GAK: variants seen among roughly 807,000 people sequenced by gnomAD.
GAK encodes cyclin-G-associated kinase.
In GAK, 79 loss-of-function variants were observed where a neutral mutation model predicts 143.9. That is an observed-to-expected ratio of 0.55 (90% CI 0.46 to 0.66). The LOEUF (loss-of-function observed/expected upper bound fraction) is 0.66. GAK is among the 30% of genes least tolerant of loss of function. GAK has a pLI of 0.00. For synonymous variants in GAK, 881 were observed against 765.5 expected (o/e 1.15, Z -2.49); for missense variants, 1,693 against 1,779.7 (o/e 0.95, Z 0.88).
At chr4:888,298 C>T (rs367688612) in intron 11 of GAK, 13 of 153,040 alleles carry the variant, frequency 8.5e-5, no homozygotes, top group East Asian at 3.9e-4. Flanking sequence ...GCATGGACCC[C>T]GCAACGCAGA....
chr4:852,420 A>C (rs1049460678), intron 24 of GAK: 3 of 205,120 alleles, frequency 1.5e-5, no homozygotes, highest in Non-Finnish European at 3.0e-5. Context: ...CTCTCGCAGC[A>C]CATCAAATCA....
chr4:884,373 C>T lies in GAK; in HGVS notation c.1206-287G>A, dbSNP rs139454886. On this transcript the variant is annotated intron_variant, in intron 11 of 27. Transcript: ENST00000314167. Reference sequence around the variant, plus strand: ...CGCTGTCTGACTGCCCCTTCCCCTGCGCTCTCCAGGGAGGCACGGCCCAGG... The same window carrying T: ...CGCTGTCTGACTGCCCCTTCCCCTGTGCTCTCCAGGGAGGCACGGCCCAGG... 2.0e-3 allele frequency: 870 copies of T among 430,840 alleles called. 9 individuals are homozygous for T. The highest frequency in any genetic ancestry group is 0.016 in the East Asian group (324 of 20,432). 26.7% of individuals were successfully genotyped at this position (430,840 alleles called of 1,614,324 possible). A position where few individuals can be genotyped will look rare whatever the true frequency, so the allele number is the denominator to read the frequency against.
chr4:911,419 C>T (rs771396811), intron 4 of GAK, among the ~76,000 whole-genome samples: 1 of 152,220 alleles, frequency 6.6e-6, no homozygotes, highest in South Asian at 2.1e-4. Flanking sequence ...GATGGGAGCC[C>T]GGCTCTCTGG....
At chr4:855,749 G>A (rs942745214) in intron 24 of GAK, among the ~76,000 whole-genome samples, 7 of 152,184 alleles carry the variant, frequency 4.6e-5, no homozygotes, top group African/African-American at 1.4e-4. Context: ...GAGATCAGGA[G>A]TTTGAGACCA....
At chr4:894,292 G>A in intron 7 of GAK, 1 of 363,822 alleles carries the variant, frequency 2.7e-6, no homozygotes, top group South Asian at 3.4e-5. Flanking sequence ...GGAGCGCAGG[G>A]GTGACGCCTG....
intron 18 of GAK, 106 bp from the exon 19 acceptor site, chr4:871,010 A>G: frequency 9.8e-7 from 1 of 1,024,216 alleles, no homozygotes; most frequent in Non-Finnish European, 1.4e-6. Flanking sequence ...AGCTGCAGGC[A>G]GCGGGGCGAG....
chr4:868,427 C>G, intron 20 of GAK, 112 bp downstream of exon 20: 3 of 1,086,216 alleles, frequency 2.8e-6, no homozygotes, highest in Non-Finnish European at 3.9e-6. Flanking sequence ...CACTGAGGTG[C>G]AACTCAGCTC....
chr4:893,339 A>C (rs1272733397), intron 9 of GAK, 38 bp downstream of exon 9: 2 of 1,375,808 alleles, frequency 1.5e-6, no homozygotes, highest in South Asian at 1.4e-5. Context: ...CTCCTTCACC[A>C]CTGCGGGGGA....
At chr4:876,743 A>C in intron 17 of GAK, 134 bp from the exon 18 acceptor site, 1 of 745,188 alleles carries the variant, frequency 1.3e-6, no homozygotes. Context: ...CCCCCGTGCC[A>C]CATGTTGTGG....
rs1302937884 is a variant in GAK, at chr4:865,243, C to T, written c.3045G>A (p.Gly1015=). Residue 1015 remains glycine, a splice_region_variant and synonymous_variant, in exon 23 of 28, where the codon GGG becomes GGA. Transcript: ENST00000314167. ...PSCSADFLHL[G]DLPGEPSKMT... ...TCTTGCTGGGCTCTCCTGGCAGATC[C>T]CCTGGGAAGAAGGAACCAGAAGAGA... 2.5e-6 allele frequency: 4 copies of T among 1,613,274 alleles called. No individual in the cohort carries two copies. In the South Asian group the frequency reaches 4.4e-5, roughly 18 times the overall value.
chr4:875,315 A>C (rs1713615502), intron 18 of GAK, among the ~76,000 whole-genome samples: 1 of 152,276 alleles, frequency 6.6e-6, no homozygotes, highest in African/African-American at 2.4e-5. Flanking sequence ...TTAAAAAAAG[A>C]AAAGCGTAAG....
rs768543011 is a variant in GAK at position 851,104 on chromosome 4, T to A, written c.3509-20A>T. Reference sequence around the variant, plus strand: ...TTTGAGCTAGAAAAGAACAGAAACTTTTTTTTGTTTGAGACAGGGTCTCCA... The same window carrying A: ...TTTGAGCTAGAAAAGAACAGAAACTATTTTTTGTTTGAGACAGGGTCTCCA... On this transcript the variant is annotated intron_variant, in intron 25 of 27. Coordinates refer to ENST00000314167, the MANE Select transcript of GAK (RefSeq NM_005255.4). 3 of 1,609,518 alleles carry A rather than the reference T, an allele frequency of 1.9e-6. No individual in the cohort carries two copies. The highest frequency in any genetic ancestry group is 2.5e-6 in the Non-Finnish European group (3 of 1,177,622).
At chr4:861,712 T>C (rs553308448) in intron 23 of GAK, among the ~76,000 whole-genome samples, 2 of 152,214 alleles carry the variant, frequency 1.3e-5, no homozygotes, top group Non-Finnish European at 2.9e-5. Flanking sequence ...ACACGAATGA[T>C]ACGAACACAA....
intron 24 of GAK, 133 bp downstream of exon 24, chr4:859,473 C>G (rs759429541): frequency 6.2e-7 from 1 of 1,602,090 alleles, no homozygotes; most frequent in Admixed American, 1.7e-5. Context: ...CTTGGGCTCA[C>G]TGTGCTCTGG....
At position 881,319 on chromosome 4, in the gene GAK, T is replaced by C. The variant is rs540125675; in HGVS notation, c.1661+588A>G. 9.8e-5 allele frequency among the ~76,000 whole-genome samples: 15 copies of C among 152,286 alleles called. No homozygotes were observed. In the East Asian group the frequency reaches 2.9e-3, roughly 29 times the overall value. ...AGGCTGCTCCAGCCTCACCAGGTCCTCATGGAGACCAAGGCCAGGGGAGGC... is the reference window on the plus strand; with the variant it reads ...AGGCTGCTCCAGCCTCACCAGGTCCCCATGGAGACCAAGGCCAGGGGAGGC... On this transcript the variant is annotated intron_variant, in intron 15 of 27. Coordinates refer to ENST00000314167, the MANE Select transcript of GAK (RefSeq NM_005255.4).
chr4:852,211 G>A, intron 24 of GAK: 1 of 592,796 alleles, frequency 1.7e-6, no homozygotes, highest in South Asian at 2.0e-5. Flanking sequence ...CAGACACCAG[G>A]ACAGGGCAGC....
intron 5 of GAK, among the ~76,000 whole-genome samples, chr4:900,471 A>G (rs959905386): frequency 2.6e-5 from 4 of 152,084 alleles, no homozygotes; most frequent in Non-Finnish European, 5.9e-5. Flanking sequence ...TCACCAATTC[A>G]ACCCTTCTGT....
chr4:893,825 G>T (rs1385158173), intron 8 of GAK, 49 bp downstream of exon 8: 2 of 1,519,674 alleles, frequency 1.3e-6, no homozygotes, highest in African/African-American at 1.4e-5. Flanking sequence ...GCCACGCGGG[G>T]TCTGTGCTCC....
intron 18 of GAK, among the ~76,000 whole-genome samples, chr4:871,613 C>T (rs553637114): frequency 6.6e-6 from 1 of 151,722 alleles, no homozygotes; most frequent in South Asian, 2.1e-4. Context: ...CAGAGGTCAG[C>T]AGGGCCTGCC....
Sources: gnomAD v4.1 joint callset for allele counts (sites outside exome capture counted in the v4.1 genomes callset) on GRCh38, gnomAD v4.1.1 for gene constraint, MANE v1.5 for transcripts, NCBI Gene and HGNC (gene_info 2026-07-23, HGNC 2026-07-21) for gene names.